CLDN16: variants seen among roughly 807,000 people sequenced by gnomAD.
CLDN16 encodes the protein claudin 16.
Under a neutral mutation model 24.6 loss-of-function variants are expected in CLDN16, and 13 were observed. The observed-to-expected ratio is 0.53, with a 90% CI of 0.34 to 0.84. CLDN16 has a LOEUF of 0.84. Ranked by LOEUF, CLDN16 falls within the 40% of genes least tolerant of loss-of-function variation. The pLI is 0.01. For missense variants in CLDN16, 298 were observed against 292.7 expected (o/e 1.02, Z -0.13); for synonymous variants, 116 against 106.7 (o/e 1.09, Z -0.54).
rs1719270436 is a variant in CLDN16, at chr3:190,411,053, G to C, written c.*1017G>C. 6.6e-6 allele frequency: 1 copy of C among 152,216 alleles called. No homozygotes were observed. The highest frequency in any genetic ancestry group is 2.4e-5 in the African/African-American group (1 of 41,446). 9.4% of individuals were successfully genotyped at this position (152,216 alleles called of 1,614,324 possible). A position where few individuals can be genotyped will look rare whatever the true frequency, so the allele number is the denominator to read the frequency against. On this transcript the variant is annotated 3_prime_UTR_variant, in exon 5 of 5. Coordinates refer to ENST00000264734, the MANE Select transcript of CLDN16 (RefSeq NM_006580.4). ...CAAGGCGGGTGGATCACGAGGTCAAGAGACGGAGACCATCCTGGCTAACAT... is the reference window on the plus strand; with the variant it reads ...CAAGGCGGGTGGATCACGAGGTCAACAGACGGAGACCATCCTGGCTAACAT...
chr3:190,364,934 G>A (rs1236735056), intron 1 of CLDN16, among the ~76,000 whole-genome samples: 1 of 151,476 alleles, frequency 6.6e-6, no homozygotes, highest in African/African-American at 2.4e-5. Flanking sequence ...TCTCTTCACC[G>A]GGATCTGTCT....
At chr3:190,319,376 C>T (rs1200143139), upstream of CLDN16, among the ~76,000 whole-genome samples, 1 of 152,152 alleles carries the variant, frequency 6.6e-6, no homozygotes, top group Admixed American at 6.5e-5. Flanking sequence ...CTACAATACA[C>T]AATGTGACAT....
upstream of CLDN16, among the ~76,000 whole-genome samples, chr3:190,321,174 A>G (rs554225657): frequency 3.9e-4 from 59 of 152,256 alleles, no homozygotes; most frequent in African/African-American, 2.4e-5. Context: ...TTCATCAGCT[A>G]TGACTATTTT....
intron 1 of CLDN16, among the ~76,000 whole-genome samples, chr3:190,336,824 C>T (rs181387621): frequency 5.9e-5 from 9 of 152,156 alleles, no homozygotes; most frequent in South Asian, 4.1e-4. Flanking sequence ...AAGAACTGGA[C>T]GCTGGCAGTC....
intron 3 of CLDN16, among the ~76,000 whole-genome samples, chr3:190,405,653 C>G (rs984301467): frequency 2.0e-5 from 3 of 152,066 alleles, no homozygotes; most frequent in African/African-American, 7.2e-5. Flanking sequence ...TGTGCCAAGT[C>G]CTATGTTAAA....
chr3:190,342,704 T>C (rs78412442), intron 1 of CLDN16, among the ~76,000 whole-genome samples: 5,970 of 152,266 alleles, frequency 0.039, 396 homozygotes, highest in African/African-American at 0.13. Flanking sequence ...ACCAACATGA[T>C]GCAATGGGAA....
intron 1 of CLDN16, among the ~76,000 whole-genome samples, chr3:190,368,403 G>A (rs893089568): frequency 2.0e-5 from 3 of 151,944 alleles, no homozygotes; most frequent in African/African-American, 7.2e-5. Flanking sequence ...TTAGCCAACA[G>A]CTTGAGATCC....
chr3:190,306,671 C>CCAA, the CLDN16 span: 1 of 152,670 alleles, frequency 6.6e-6, no homozygotes, highest in Admixed American at 6.5e-5. Flanking sequence ...GACACCAATG[C>CCAA]CAACACCCTT....
intron 1 of CLDN16, among the ~76,000 whole-genome samples, chr3:190,399,567 A>G (rs1170680851): frequency 4.6e-5 from 7 of 152,164 alleles, no homozygotes; most frequent in African/African-American, 1.7e-4. Flanking sequence ...GCACATATGC[A>G]TCTTCTTAAA....
the CLDN16 span, among the ~76,000 whole-genome samples, chr3:190,300,863 A>G: frequency 6.6e-6 from 1 of 152,194 alleles, no homozygotes; most frequent in African/African-American, 2.4e-5. Context: ...GTCAGAATCC[A>G]GGGCTGGTCT....
chr3:190,331,818 G>A (rs967738123), intron 1 of CLDN16, among the ~76,000 whole-genome samples: 4 of 152,180 alleles, frequency 2.6e-5, no homozygotes, highest in Admixed American at 6.6e-5. Flanking sequence ...AAAACTGAAA[G>A]GGATCTCACT....
chr3:190,302,090 A>G, the CLDN16 span, among the ~76,000 whole-genome samples: 6 of 152,238 alleles, frequency 3.9e-5, no homozygotes, highest in East Asian at 1.2e-3. Flanking sequence ...TTTTCTGAAC[A>G]TGTTGTACGT....
chr3:190,402,325 T>A lies in CLDN16; in HGVS notation c.115-12T>A. ...ATGAATTGTTTCACACGGTGTCTTC[T>A]CTAACATCTAGGTGAGCACAAAATG... On this transcript the variant is annotated splice_polypyrimidine_tract_variant and intron_variant, in intron 1 of 4. Coordinates refer to ENST00000264734, the MANE Select transcript of CLDN16 (RefSeq NM_006580.4). 6.2e-7 allele frequency: 1 copy of A among 1,605,822 alleles called. No homozygotes were observed. The highest frequency in any genetic ancestry group is 8.5e-7 in the Non-Finnish European group (1 of 1,172,436).
the CLDN16 span, among the ~76,000 whole-genome samples, chr3:190,310,564 T>C: frequency 6.6e-6 from 1 of 152,246 alleles, no homozygotes; most frequent in Non-Finnish European, 1.5e-5. Flanking sequence ...TATGCTGTTA[T>C]ACATTAGGAT....
chr3:190,388,649 A>G (rs1449230124), intron 1 of CLDN16, among the ~76,000 whole-genome samples: 1 of 152,214 alleles, frequency 6.6e-6, no homozygotes, highest in African/African-American at 2.4e-5. Context: ...CCCATTAAAC[A>G]GATGAAGTTA....
intron 3 of CLDN16, among the ~76,000 whole-genome samples, chr3:190,382,042 A>G (rs1718382300): frequency 6.6e-6 from 1 of 152,054 alleles, no homozygotes; most frequent in Non-Finnish European, 1.5e-5. Flanking sequence ...AAAAGCCTCA[A>G]CTTGTGAGAT....
intron 2 of CLDN16, among the ~76,000 whole-genome samples, chr3:190,404,288 A>G (rs897251711): frequency 6.6e-5 from 10 of 152,164 alleles, no homozygotes; most frequent in African/African-American, 2.4e-4. Context: ...AAGTCTTGAA[A>G]TATTTTATTC....
chr3:190,341,089 T>A (rs1344660383), intron 1 of CLDN16, among the ~76,000 whole-genome samples: 1 of 152,148 alleles, frequency 6.6e-6, no homozygotes, highest in Non-Finnish European at 1.5e-5. Flanking sequence ...ACATTGAGTG[T>A]CTGCAGCTTT....
the CLDN16 span, among the ~76,000 whole-genome samples, chr3:190,303,410 G>T: frequency 1.3e-5 from 2 of 152,152 alleles, no homozygotes; most frequent in African/African-American, 4.8e-5. Context: ...ATAGCAATGT[G>T]TTCTATCCCA....
Sources: gnomAD v4.1 joint callset for allele counts (sites outside exome capture counted in the v4.1 genomes callset) on GRCh38, gnomAD v4.1.1 for gene constraint, MANE v1.5 for transcripts, NCBI Gene and HGNC (gene_info 2026-07-23, HGNC 2026-07-21) for gene names.